Variants in NKAIN3 observed in about 807,000 individuals in gnomAD.
NKAIN3 encodes sodium/potassium-transporting ATPase subunit beta-1-interacting protein 3.
Under a neutral mutation model 30.2 loss-of-function variants are expected in NKAIN3, and 25 were observed. The observed-to-expected ratio is 0.83, with a 90% CI of 0.60 to 1.16. The LOEUF (loss-of-function observed/expected upper bound fraction) is 1.16. Ranked by LOEUF, NKAIN3 falls within the 50% of genes most tolerant of loss-of-function variation. The pLI is 0.00. For missense variants in NKAIN3, 225 were observed against 254.1 expected (o/e 0.89, Z 0.78); for synonymous variants, 91 against 89.6 (o/e 1.02, Z -0.09).
At chr8:62,694,615 C>G (rs1427725016) in intron 3 of NKAIN3, among the ~76,000 whole-genome samples, 7 of 151,936 alleles carry the variant, frequency 4.6e-5, no homozygotes, top group Admixed American at 4.6e-4. Flanking sequence ...GAGGCTTTTT[C>G]TCCCCAATCT....
At chr8:62,722,610 C>T (rs759167720) in intron 3 of NKAIN3, among the ~76,000 whole-genome samples, 5 of 152,046 alleles carry the variant, frequency 3.3e-5, no homozygotes, top group Non-Finnish European at 5.9e-5. Flanking sequence ...GATTACTTAC[C>T]GTCAAATCAA....
chr8:62,413,829 T>A lies in NKAIN3; in HGVS notation c.54+164702T>A, dbSNP rs978472314. Among the ~76,000 whole-genome samples, 13 of 152,292 alleles carry A rather than the reference T, an allele frequency of 8.5e-5. 1 individual carries two copies. In the South Asian group the frequency reaches 2.7e-3, roughly 32 times the overall value. On this transcript the variant is annotated intron_variant, in intron 1 of 6. Coordinates refer to ENST00000623646, the MANE Select transcript of NKAIN3 (RefSeq NM_001304533.3). ...AGGAGATGATATAACTTATGATTTA[T>A]TGAGTTATAACTTCTTATTCTAATT...
chr8:62,907,370 G>A (rs1004235602), intron 4 of NKAIN3, among the ~76,000 whole-genome samples: 8 of 152,210 alleles, frequency 5.3e-5, no homozygotes, highest in Non-Finnish European at 1.0e-4. Flanking sequence ...CAGAAAATGT[G>A]CAGGCTGATG....
Position 62,980,731 on chromosome 8 carries a change from C to A in NKAIN3, c.*15324C>A, listed in dbSNP as rs1346107655. The A allele has an allele frequency of 6.6e-6, 1 of 152,122 alleles. No homozygotes were observed. Among genetic ancestry groups the A allele is most frequent in the Non-Finnish European group, 1.5e-5 (1 of 68,032 alleles). The allele number at this position is 152,122 out of a possible 1,614,324, so 9.4% of individuals were successfully genotyped here. A position where few individuals can be genotyped will look rare whatever the true frequency, so the allele number is the denominator to read the frequency against. ...TAGGCAAAACATAATGTCTGGAGCACCAAGTGAAATAACTGTGGAGAATGG... is the reference window on the plus strand; with the variant it reads ...TAGGCAAAACATAATGTCTGGAGCAACAAGTGAAATAACTGTGGAGAATGG... On this transcript the variant is annotated 3_prime_UTR_variant, in exon 7 of 7. Coordinates refer to ENST00000623646, the MANE Select transcript of NKAIN3 (RefSeq NM_001304533.3).
chr8:62,518,679 A>G (rs1182793418), intron 1 of NKAIN3, among the ~76,000 whole-genome samples: 1 of 152,176 alleles, frequency 6.6e-6, no homozygotes, highest in Non-Finnish European at 1.5e-5. Flanking sequence ...TTTTTCCTAA[A>G]AACACATAAA....
rs56144773 is a variant in NKAIN3, at chr8:62,528,350, T to TTAATAATATAATATATA, written c.55-51189_55-51188insTAATAATATAATATATA. Among the ~76,000 whole-genome samples the TTAATAATATAATATATA allele has an allele frequency of 3.5e-3, 484 of 137,396 alleles. 2 individuals carry two copies. Among genetic ancestry groups the TTAATAATATAATATATA allele is most frequent in the Non-Finnish European group, 5.4e-3 (354 of 65,314 alleles). The allele number at this position is 137,396 out of a possible 152,430, so 90.1% of individuals were successfully genotyped here. A position where few individuals can be genotyped will look rare whatever the true frequency, so the allele number is the denominator to read the frequency against. On this transcript the variant is annotated intron_variant, in intron 1 of 6. Coordinates refer to ENST00000623646, the MANE Select transcript of NKAIN3 (RefSeq NM_001304533.3). ...ATATATATATTATATAATATATATA[T>TTAATAATATAATATATA]ATATGACTTTTGTTGTAGAATAAAT...
intron 3 of NKAIN3, among the ~76,000 whole-genome samples, chr8:62,640,521 A>T (rs1812276840): frequency 6.6e-6 from 1 of 152,118 alleles, no homozygotes; most frequent in Non-Finnish European, 1.5e-5. Flanking sequence ...TGTGAGAATG[A>T]ACTAATACAG....
At chr8:62,962,176 C>T (rs750381835) in intron 6 of NKAIN3, among the ~76,000 whole-genome samples, 7 of 152,060 alleles carry the variant, frequency 4.6e-5, no homozygotes, top group Non-Finnish European at 1.0e-4. Context: ...AAATAATAGA[C>T]TGGGGGTAGA....
intron 5 of NKAIN3, among the ~76,000 whole-genome samples, chr8:62,922,315 G>A (rs548845603): frequency 1.3e-5 from 2 of 152,214 alleles, no homozygotes; most frequent in East Asian, 3.9e-4. Context: ...AGAAAATGAG[G>A]TGATATTTCC....
chr8:62,276,429 A>G (rs1812965043), intron 1 of NKAIN3, among the ~76,000 whole-genome samples: 1 of 152,196 alleles, frequency 6.6e-6, no homozygotes. Flanking sequence ...AAGGCACTCC[A>G]TTGCTTGATG....
intron 1 of NKAIN3, among the ~76,000 whole-genome samples, chr8:62,287,637 A>T (rs2129399251): frequency 6.6e-6 from 1 of 152,256 alleles, no homozygotes; most frequent in Non-Finnish European, 1.5e-5. Context: ...TCGGTTAGAA[A>T]ACCTACTAAA....
intron 3 of NKAIN3, among the ~76,000 whole-genome samples, chr8:62,732,101 A>T (rs955377370): frequency 2.6e-5 from 4 of 152,122 alleles, no homozygotes; most frequent in African/African-American, 4.8e-5. Context: ...TTTTTAATTT[A>T]AAAAATGTTT....
At chr8:62,880,972 G>T (rs1176174799) in intron 4 of NKAIN3, among the ~76,000 whole-genome samples, 1 of 151,998 alleles carries the variant, frequency 6.6e-6, no homozygotes, top group Non-Finnish European at 1.5e-5. Context: ...CATACCAAGG[G>T]GTTTATGGAA....
At chr8:62,666,033 G>C (rs1398148395) in intron 3 of NKAIN3, among the ~76,000 whole-genome samples, 1 of 152,032 alleles carries the variant, frequency 6.6e-6, no homozygotes, top group South Asian at 2.1e-4. Flanking sequence ...GGCCAAGATG[G>C]TGAAACCCCG....
At chr8:62,412,029 C>T (rs777826353) in intron 1 of NKAIN3, among the ~76,000 whole-genome samples, 7 of 152,118 alleles carry the variant, frequency 4.6e-5, no homozygotes, top group Non-Finnish European at 7.4e-5. Context: ...CTACCAAAGT[C>T]ATTCTTCGCA....
At chr8:62,300,717 T>G (rs918848643) in intron 1 of NKAIN3, among the ~76,000 whole-genome samples, 1 of 152,128 alleles carries the variant, frequency 6.6e-6, no homozygotes, top group African/African-American at 2.4e-5. Context: ...TTCATATAAA[T>G]TATTGAAAAG....
At chr8:62,375,225 C>T (rs566634055) in intron 1 of NKAIN3, among the ~76,000 whole-genome samples, 9 of 152,238 alleles carry the variant, frequency 5.9e-5, no homozygotes, top group African/African-American at 1.9e-4. Flanking sequence ...TTAAATGGGA[C>T]CGATGTCATC....
At chr8:62,794,822 G>A (rs927954228) in intron 4 of NKAIN3, among the ~76,000 whole-genome samples, 1 of 152,174 alleles carries the variant, frequency 6.6e-6, no homozygotes, top group African/African-American at 2.4e-5. Flanking sequence ...TGAGTGCAGA[G>A]ATAGTGAAGG....
chr8:62,380,400 C>A (rs528387541), intron 1 of NKAIN3, among the ~76,000 whole-genome samples: 1 of 152,280 alleles, frequency 6.6e-6, no homozygotes, highest in African/African-American at 2.4e-5. Context: ...TCATCTCTTT[C>A]TCCTATCAGA....
Sources: gnomAD v4.1 joint callset for allele counts (sites outside exome capture counted in the v4.1 genomes callset) on GRCh38, gnomAD v4.1.1 for gene constraint, MANE v1.5 for transcripts, NCBI Gene and HGNC (gene_info 2026-07-23, HGNC 2026-07-21) for gene names.